Variants in SPECC1L observed in about 807,000 individuals in gnomAD.
SPECC1L encodes sperm antigen with calponin homology and coiled-coil domains 1 like.
Under a neutral mutation model 116.8 loss-of-function variants are expected in SPECC1L, and 40 were observed. That is an observed-to-expected ratio of 0.34 (90% confidence interval 0.27 to 0.45). The LOEUF (loss-of-function observed/expected upper bound fraction) is 0.45. Among genes scored for constraint, SPECC1L ranks in the 20% least tolerant of loss-of-function variants. The pLI is 1.00. For synonymous variants in SPECC1L, 504 were observed against 500.6 expected, an observed-to-expected ratio of 1.01 and a Z score of -0.09; for missense variants, 1,110 against 1,373.6, an observed-to-expected ratio of 0.81 and a Z score of 3.03.
intron 10 of SPECC1L, among the ~76,000 whole-genome samples, chr22:24,342,086 A>G (rs2041187718): frequency 6.6e-6 from 1 of 152,270 alleles, no homozygotes; most frequent in Non-Finnish European, 1.5e-5. Flanking sequence ...GTAATTTGTC[A>G]TGCAGCATAG....
intron 2 of SPECC1L, among the ~76,000 whole-genome samples, chr22:24,294,346 CTG>C (rs1375663610): frequency 6.9e-6 from 1 of 144,810 alleles, no homozygotes; most frequent in Non-Finnish European, 1.5e-5. Flanking sequence ...TTCCTGTAGA[CTG>C]TGAACTCCTT....
At chr22:24,330,475 A>G in intron 8 of SPECC1L, 44 bp downstream of exon 8, 1 of 1,603,496 alleles carries the variant, frequency 6.2e-7, no homozygotes, top group Non-Finnish European at 8.5e-7. Context: ...TTCAGTAGAG[A>G]ACACTTAAAT....
At chr22:24,400,848 T>TA (rs1269185182) in intron 14 of SPECC1L, among the ~76,000 whole-genome samples, 1 of 152,288 alleles carries the variant, frequency 6.6e-6, no homozygotes, top group East Asian at 1.9e-4. Flanking sequence ...TGGCTATTTG[T>TA]ATATCTTTGG....
At chr22:24,290,074 G>A (rs2049128582) in intron 2 of SPECC1L, among the ~76,000 whole-genome samples, 3 of 152,150 alleles carry the variant, frequency 2.0e-5, no homozygotes, top group Non-Finnish European at 4.4e-5. Flanking sequence ...GGATTCATTG[G>A]CCCTGCTCAC....
chr22:24,383,790 C>CTTTTTT (rs2042104560), intron 14 of SPECC1L, among the ~76,000 whole-genome samples: 1 of 77,158 alleles, frequency 1.3e-5, no homozygotes, highest in Admixed American at 1.4e-4. Context: ...GCACCCACCA[C>CTTTTTT]TATTTTTTTT....
At chr22:24,399,623 ATTTTGT>A (rs2042433483) in intron 14 of SPECC1L, among the ~76,000 whole-genome samples, 1 of 152,106 alleles carries the variant, frequency 6.6e-6, no homozygotes, top group Admixed American at 6.5e-5. Flanking sequence ...CATACTATAG[ATTTTGT>A]TTTTGTGAAG....
In SPECC1L at chr22:24,415,313, G is replaced by A. The variant is rs1420960809; in HGVS notation, c.*690G>A. On this transcript the variant is annotated 3_prime_UTR_variant, in exon 17 of 17. Coordinates refer to ENST00000314328, the MANE Select transcript of SPECC1L (RefSeq NM_015330.6). ...CGGCTGGGCTTTCTGGCGGGAAGCA[G>A]TTACGGGGGCCCCTTGCCTGGACTC... is the stretch of plus-strand genomic sequence containing the variant. 6.5e-6 allele frequency: 1 copy of A among 152,982 alleles called. No individual in the cohort carries two copies. Among genetic ancestry groups the A allele is most frequent in the African/African-American group, 2.4e-5 (1 of 41,470 alleles). 9.5% of individuals were successfully genotyped at this position (152,982 alleles called of 1,614,324 possible). A position where few individuals can be genotyped will look rare whatever the true frequency, so the allele number is the denominator to read the frequency against.
chr22:24,358,666 A>C (rs5760361), intron 11 of SPECC1L, among the ~76,000 whole-genome samples: 3,797 of 152,168 alleles, frequency 0.025, 155 homozygotes, highest in South Asian at 0.12. Flanking sequence ...CCACAGCCTC[A>C]CTTTCCAACT....
chr22:24,412,723 CCT>C lies in SPECC1L; in HGVS notation c.3264+17_3264+18del, dbSNP rs1341446456. The C allele has an allele frequency of 8.1e-6, 13 of 1,613,786 alleles. No homozygotes were observed. The highest frequency in any genetic ancestry group is 1.1e-5 in the Non-Finnish European group (13 of 1,179,834). ...ATCCACACTGGTGAGCCCTTGTCCC[CCT>C]GAGTCACTGGCAGGGCCCTCCTTCT... On this transcript the variant is annotated intron_variant, in intron 16 of 16. Transcript: ENST00000314328.
At chr22:24,348,118 G>A (rs1333460632) in intron 11 of SPECC1L, among the ~76,000 whole-genome samples, 2 of 152,180 alleles carry the variant, frequency 1.3e-5, no homozygotes, top group African/African-American at 2.4e-5. Flanking sequence ...CAGTGTTGGG[G>A]TGTGGTGCTG....
intron 14 of SPECC1L, among the ~76,000 whole-genome samples, chr22:24,380,654 T>C (rs2042048287): frequency 1.3e-5 from 2 of 152,212 alleles, no homozygotes; most frequent in African/African-American, 4.8e-5. Context: ...CTCTTTTAAC[T>C]TGTGCCCTGC....
chr22:24,355,500 T>A (rs984766127), intron 11 of SPECC1L, among the ~76,000 whole-genome samples: 2 of 152,000 alleles, frequency 1.3e-5, no homozygotes, highest in African/African-American at 4.8e-5. Flanking sequence ...ACTATCTTAT[T>A]TGTCTGTCTG....
intron 11 of SPECC1L, among the ~76,000 whole-genome samples, chr22:24,353,737 G>C (rs897164166): frequency 6.6e-6 from 1 of 152,114 alleles, no homozygotes; most frequent in Non-Finnish European, 1.5e-5. Flanking sequence ...AAGGGATACT[G>C]CAGAGGTGAT....
chr22:24,387,289 C>G (rs534194292), intron 14 of SPECC1L, among the ~76,000 whole-genome samples: 27 of 152,328 alleles, frequency 1.8e-4, no homozygotes, highest in African/African-American at 6.3e-4. Context: ...TGAGCAGAAG[C>G]AGCCAGATGC....
intron 10 of SPECC1L, among the ~76,000 whole-genome samples, chr22:24,346,012 T>G (rs1284718145): frequency 7.9e-6 from 1 of 126,068 alleles, no homozygotes; most frequent in Non-Finnish European, 1.6e-5. Context: ...GTTTTTTTTG[T>G]TTTTTTTTTT....
intron 2 of SPECC1L, among the ~76,000 whole-genome samples, chr22:24,298,176 G>T (rs2049304514): frequency 6.6e-6 from 1 of 152,086 alleles, no homozygotes; most frequent in Non-Finnish European, 1.5e-5. Context: ...CTTCATGTTA[G>T]ATGATTTTTG....
At chr22:24,316,643 T>G (rs1002663958) in intron 4 of SPECC1L, among the ~76,000 whole-genome samples, 1 of 149,522 alleles carries the variant, frequency 6.7e-6, no homozygotes, top group African/African-American at 2.5e-5. Flanking sequence ...TTTTTCTTAG[T>G]ACAGAACAAA....
intron 3 of SPECC1L, among the ~76,000 whole-genome samples, chr22:24,303,387 A>G (rs779618575): frequency 6.6e-6 from 1 of 152,206 alleles, no homozygotes; most frequent in African/African-American, 2.4e-5. Context: ...GGTGCCAGGA[A>G]TAGACCCTTG....
At chr22:24,372,003 G>T (rs527243403) in intron 14 of SPECC1L, among the ~76,000 whole-genome samples, 1 of 152,148 alleles carries the variant, frequency 6.6e-6, no homozygotes, top group Non-Finnish European at 1.5e-5. Flanking sequence ...TTACAAGCAT[G>T]AGCCACCGCG....
Sources: gnomAD v4.1 joint callset for allele counts (sites outside exome capture counted in the v4.1 genomes callset) on GRCh38, gnomAD v4.1.1 for gene constraint, MANE v1.5 for transcripts, NCBI Gene and HGNC (gene_info 2026-07-23, HGNC 2026-07-21) for gene names.